CSMD1: variants seen among roughly 807,000 people sequenced by gnomAD.
CSMD1 encodes the protein CUB and sushi domain-containing protein 1.
Under a neutral mutation model 417.5 loss-of-function variants are expected in CSMD1, and 213 were observed. The ratio of observed to expected loss-of-function variants is 0.51; its 90% CI spans 0.46 to 0.57. The LOEUF is 0.57. Among genes scored for constraint, CSMD1 ranks in the 20% least tolerant of loss-of-function variants. The probability of loss-of-function intolerance (pLI) is 0.00; values close to 1 mark genes in which losing one functional copy is unlikely to be tolerated. For synonymous variants in CSMD1, 2,862 were observed against 1,736.8 expected (o/e 1.65, Z -16.11); for missense variants, 6,923 against 4,529.7 (o/e 1.53, Z -15.17).
At chr8:4,259,219 C>G (rs192621301) in intron 3 of CSMD1, among the ~76,000 whole-genome samples, 1 of 152,178 alleles carries the variant, frequency 6.6e-6, no homozygotes, top group Non-Finnish European at 1.5e-5. Context: ...GCTTTCAAAT[C>G]GCAGAGAGAA....
At chr8:3,594,180 C>T (rs1800984942) in intron 8 of CSMD1, among the ~76,000 whole-genome samples, 1 of 152,158 alleles carries the variant, frequency 6.6e-6, no homozygotes, top group Admixed American at 6.5e-5. Flanking sequence ...GGGTTTGGCA[C>T]TCATTTACGG....
intron 49 of CSMD1, among the ~76,000 whole-genome samples, chr8:3,060,578 T>C (rs1051549402): frequency 3.3e-5 from 5 of 152,216 alleles, no homozygotes; most frequent in Non-Finnish European, 7.3e-5. Context: ...TGTTGTAAGT[T>C]GGTTTACAAG....
intron 3 of CSMD1, among the ~76,000 whole-genome samples, chr8:4,178,337 T>C (rs1358490225): frequency 2.0e-5 from 3 of 151,436 alleles, no homozygotes; most frequent in East Asian, 1.9e-4. Flanking sequence ...AACCACATGA[T>C]TATCTCAATA....
rs1007090262 is a variant in CSMD1 at position 4,664,879 on chromosome 8, A to G, written c.86-27321T>C. The stretch of plus-strand genomic sequence containing the variant: ...AAACTTTATAAAACACAATGTATAT[A>G]TATTACTTCTTTACAGTTTCTATTT... On this transcript the variant is annotated intron_variant, in intron 1 of 69. Transcript: ENST00000635120. Among the ~76,000 whole-genome samples, 9 of 152,318 alleles carry G rather than the reference A, an allele frequency of 5.9e-5. No homozygotes were observed. In the South Asian group the frequency reaches 1.9e-3, roughly 32 times the overall value.
chr8:4,453,814 C>CTTTTTTTTT lies in CSMD1; in HGVS notation c.303-33758_303-33750dup, dbSNP rs60422486. On this transcript the variant is annotated intron_variant, in intron 2 of 69. Coordinates refer to ENST00000635120, the MANE Select transcript of CSMD1 (RefSeq NM_033225.6). ...CCGAACAAGATTGCGCAATTCGTTTCTTTTTTTTTTTTTTTTTTTTTTTTT... is the reference window on the plus strand; with the variant it reads ...CCGAACAAGATTGCGCAATTCGTTTCTTTTTTTTTTTTTTTTTTTTTTTTTTTTTTTTTT... 1.6e-3 allele frequency among the ~76,000 whole-genome samples: 110 copies of CTTTTTTTTT among 67,748 alleles called. 7 individuals are homozygous for CTTTTTTTTT. Among genetic ancestry groups the CTTTTTTTTT allele is most frequent in the Non-Finnish European group, 2.0e-3 (76 of 37,986 alleles). The allele number at this position is 67,748 out of a possible 152,430, so 44.4% of individuals were successfully genotyped here. A position where few individuals can be genotyped will look rare whatever the true frequency, so the allele number is the denominator to read the frequency against.
chr8:4,797,741 T>G (rs1012877615), intron 1 of CSMD1, among the ~76,000 whole-genome samples: 4 of 152,128 alleles, frequency 2.6e-5, no homozygotes, highest in Admixed American at 6.6e-5. Context: ...TACATACAAA[T>G]GTAGAAGATA....
rs141749218 is a variant in CSMD1, at chr8:3,284,449, C to T, written c.3951-103G>A. 36 of 774,624 alleles carry T rather than the reference C, an allele frequency of 4.6e-5. No homozygotes were observed. In the African/African-American group the frequency reaches 5.6e-4, roughly 12 times the overall value. The allele number at this position is 774,624 out of a possible 1,614,324, so 48.0% of individuals were successfully genotyped here. On this transcript the variant is annotated intron_variant, in intron 25 of 69. Transcript: ENST00000635120. Reference sequence around the variant, plus strand: ...TCATTTCGCTTTCACACAACCCCCACCAACATGTGCCTCGGTACTTACTGT... The same window carrying T: ...TCATTTCGCTTTCACACAACCCCCATCAACATGTGCCTCGGTACTTACTGT...
chr8:4,060,141 A>G (rs1394538657), intron 3 of CSMD1, among the ~76,000 whole-genome samples: 3 of 152,198 alleles, frequency 2.0e-5, no homozygotes, highest in Non-Finnish European at 4.4e-5. Context: ...GGTTCAACAT[A>G]TACAAATCAA....
At chr8:3,585,817 G>C (rs904414907) in intron 9 of CSMD1, among the ~76,000 whole-genome samples, 3 of 152,114 alleles carry the variant, frequency 2.0e-5, no homozygotes, top group African/African-American at 7.2e-5. Flanking sequence ...CTTTCCGGCA[G>C]GTCCAGCTGT....
At chr8:2,978,857 T>C (rs964150896) in intron 54 of CSMD1, 57 bp from the exon 55 acceptor site, 6 of 1,428,356 alleles carry the variant, frequency 4.2e-6, no homozygotes, top group South Asian at 1.4e-5. Context: ...AACAACAAAA[T>C]AGATCAGAAA....
At chr8:4,684,420 G>C (rs190602768) in intron 1 of CSMD1, among the ~76,000 whole-genome samples, 2 of 152,108 alleles carry the variant, frequency 1.3e-5, no homozygotes, top group South Asian at 2.1e-4. Context: ...CTTAAAGCTC[G>C]CATCTTGCTT....
At chr8:3,290,772 CA>C (rs1563231750) in intron 25 of CSMD1, among the ~76,000 whole-genome samples, 1 of 147,726 alleles carries the variant, frequency 6.8e-6, no homozygotes, top group African/African-American at 2.7e-5. Flanking sequence ...CATCTGCCAA[CA>C]GGGACAATTT....
chr8:3,809,693 T>A (rs1323996293), intron 5 of CSMD1, among the ~76,000 whole-genome samples: 1 of 152,156 alleles, frequency 6.6e-6, no homozygotes, highest in East Asian at 1.9e-4. Context: ...GGAACCACAC[T>A]TCCAGAGACA....
At chr8:3,491,830 C>G (rs1280414301) in intron 11 of CSMD1, among the ~76,000 whole-genome samples, 1 of 152,164 alleles carries the variant, frequency 6.6e-6, no homozygotes, top group African/African-American at 2.4e-5. Flanking sequence ...GTTAGGGAAA[C>G]CAGCCCCACA....
chr8:3,712,685 A>T (rs1383157650), intron 6 of CSMD1, among the ~76,000 whole-genome samples: 1 of 152,186 alleles, frequency 6.6e-6, no homozygotes, highest in African/African-American at 2.4e-5. Flanking sequence ...TAGTCCAGTT[A>T]TCTAGTTTTC....
intron 3 of CSMD1, among the ~76,000 whole-genome samples, chr8:4,219,397 A>C (rs1039857273): frequency 4.6e-5 from 7 of 152,224 alleles, no homozygotes; most frequent in African/African-American, 1.7e-4. Flanking sequence ...AATATTTATA[A>C]AATTAATTAC....
intron 42 of CSMD1, among the ~76,000 whole-genome samples, chr8:3,118,080 C>T (rs938160056): frequency 1.3e-5 from 2 of 152,218 alleles, no homozygotes; most frequent in Non-Finnish European, 2.9e-5. Context: ...CTGAACGCTG[C>T]TGACTTCGCG....
At chr8:3,568,260 G>C (rs2116904876) in intron 10 of CSMD1, among the ~76,000 whole-genome samples, 1 of 152,228 alleles carries the variant, frequency 6.6e-6, no homozygotes, top group South Asian at 2.1e-4. Flanking sequence ...CACATATTTT[G>C]TTTTACTCAT....
intron 1 of CSMD1, among the ~76,000 whole-genome samples, chr8:4,722,669 G>GA (rs141681001): frequency 2.0e-3 from 306 of 150,950 alleles, no homozygotes; most frequent in African/African-American, 7.1e-3. Context: ...ATCCTCAGCG[G>GA]AAAAAAAAAG....
Sources: gnomAD v4.1 joint callset for allele counts (sites outside exome capture counted in the v4.1 genomes callset) on GRCh38, gnomAD v4.1.1 for gene constraint, MANE v1.5 for transcripts, NCBI Gene and HGNC (gene_info 2026-07-23, HGNC 2026-07-21) for gene names.